Variants in PAM observed in about 807,000 individuals in gnomAD.
PAM encodes peptidylglycine alpha-amidating monooxygenase.
Under a neutral mutation model 122.1 loss-of-function variants are expected in PAM, and 72 were observed. That is an observed-to-expected ratio of 0.59 (90% confidence interval 0.49 to 0.72). The LOEUF (loss-of-function observed/expected upper bound fraction) is 0.72, where lower values mean the gene tolerates loss of function less well. PAM is among the 30% of genes least tolerant of loss of function. The pLI is 0.00. For synonymous variants in PAM, 389 were observed against 404.4 expected, an observed-to-expected ratio of 0.96 and a Z score of 0.46; for missense variants, 1,106 against 1,183.7, an observed-to-expected ratio of 0.93 and a Z score of 0.96.
chr5:102,773,466 A>C (rs977573976), intron 1 of PAM, among the ~76,000 whole-genome samples: 6 of 152,122 alleles, frequency 3.9e-5, no homozygotes, highest in Admixed American at 1.3e-4. Context: ...ACAATACATA[A>C]AATTTTATTT....
intron 1 of PAM, among the ~76,000 whole-genome samples, chr5:102,822,048 A>G (rs962659650): frequency 6.6e-5 from 10 of 152,200 alleles, no homozygotes; most frequent in African/African-American, 2.4e-4. Context: ...CAGTGATGGT[A>G]GTTGTAGTGG....
chr5:102,759,860 C>T (rs1751813205), intron 1 of PAM, among the ~76,000 whole-genome samples: 1 of 152,122 alleles, frequency 6.6e-6, no homozygotes, highest in African/African-American at 2.4e-5. Context: ...TGCAGTCTAG[C>T]TACTGTATAG....
intron 1 of PAM, among the ~76,000 whole-genome samples, chr5:102,843,152 G>A (rs1014073353): frequency 1.3e-5 from 2 of 152,182 alleles, no homozygotes; most frequent in Non-Finnish European, 2.9e-5. Context: ...ATGAGTAAAT[G>A]CACCACTAAA....
intron 3 of PAM, among the ~76,000 whole-genome samples, chr5:102,880,291 A>G (rs1357423821): frequency 6.6e-6 from 1 of 152,170 alleles, no homozygotes; most frequent in Non-Finnish European, 1.5e-5. Flanking sequence ...AAGGAAAAAA[A>G]AAAAGTGACA....
At chr5:102,910,670 G>A (rs200065236) in intron 4 of PAM, among the ~76,000 whole-genome samples, 2 of 151,646 alleles carry the variant, frequency 1.3e-5, no homozygotes, top group South Asian at 4.2e-4. Context: ...GCTGTGTTTT[G>A]CACTGTTTGT....
At chr5:102,928,147 G>A (rs983211688) in intron 7 of PAM, among the ~76,000 whole-genome samples, 2 of 152,094 alleles carry the variant, frequency 1.3e-5, no homozygotes, top group South Asian at 2.1e-4. Context: ...TCATACTGGC[G>A]CAGGTTCCCG....
At chr5:102,987,598 T>G (rs1273515388) in intron 15 of PAM, 1 of 446,218 alleles carries the variant, frequency 2.2e-6, no homozygotes, top group South Asian at 1.6e-5. Flanking sequence ...ATACCCTGAT[T>G]TGATCATGCT....
chr5:102,920,401 T>C (rs1246422115), intron 5 of PAM, among the ~76,000 whole-genome samples: 1 of 152,128 alleles, frequency 6.6e-6, no homozygotes, highest in Non-Finnish European at 1.5e-5. Flanking sequence ...ACTGCCTGTC[T>C]AACCTTATTG....
At chr5:102,965,787 C>T (rs1364919680) in intron 14 of PAM, among the ~76,000 whole-genome samples, 3 of 152,108 alleles carry the variant, frequency 2.0e-5, no homozygotes, top group Non-Finnish European at 4.4e-5. Context: ...TAAAGGTCTT[C>T]GGACACCTTC....
At chr5:102,889,651 G>A (rs1038790477) in intron 3 of PAM, among the ~76,000 whole-genome samples, 2 of 151,844 alleles carry the variant, frequency 1.3e-5, no homozygotes, top group African/African-American at 4.8e-5. Flanking sequence ...ATACAGTGTG[G>A]TTATGGAAGG....
chr5:102,885,244 TAAC>T (rs1477869275), intron 3 of PAM, among the ~76,000 whole-genome samples: 2 of 151,976 alleles, frequency 1.3e-5, no homozygotes, highest in East Asian at 3.9e-4. Context: ...TTTATGGGAA[TAAC>T]AATTATTTCA....
At chr5:102,887,403 G>A (rs1368308071) in intron 3 of PAM, among the ~76,000 whole-genome samples, 3 of 151,858 alleles carry the variant, frequency 2.0e-5, no homozygotes, top group Non-Finnish European at 2.9e-5. Context: ...TGCAGCTACC[G>A]AATCTTGATC....
intron 1 of PAM, among the ~76,000 whole-genome samples, chr5:102,853,454 TA>T (rs1212758197): frequency 6.6e-6 from 1 of 152,164 alleles, no homozygotes; most frequent in Non-Finnish European, 1.5e-5. Flanking sequence ...TCTGAAATAA[TA>T]AAGATGAAAT....
chr5:102,921,878 G>C (rs909981756), intron 5 of PAM, among the ~76,000 whole-genome samples: 5 of 152,086 alleles, frequency 3.3e-5, no homozygotes, highest in African/African-American at 1.2e-4. Context: ...TGGTTTAGCT[G>C]TTTGACCTTT....
At chr5:102,772,953 C>T (rs187030290) in intron 1 of PAM, among the ~76,000 whole-genome samples, 19 of 152,144 alleles carry the variant, frequency 1.2e-4, no homozygotes, top group African/African-American at 4.3e-4. Flanking sequence ...ATGTCATATA[C>T]CTTGGTGGTA....
chr5:102,806,932 C>A (rs546472752), intron 1 of PAM, among the ~76,000 whole-genome samples: 2 of 152,108 alleles, frequency 1.3e-5, no homozygotes, highest in Admixed American at 1.3e-4. Flanking sequence ...TATACGTTTG[C>A]GCACTATTTA....
intron 24 of PAM, 125 bp from the exon 25 acceptor site, chr5:103,028,060 C>A: frequency 1.4e-6 from 1 of 705,532 alleles, no homozygotes; most frequent in South Asian, 1.8e-5. Flanking sequence ...ATTAGAATTG[C>A]ATACAGACAA....
chr5:102,826,233 T>C (rs1168203561), intron 1 of PAM, among the ~76,000 whole-genome samples: 1 of 152,200 alleles, frequency 6.6e-6, no homozygotes, highest in Non-Finnish European at 1.5e-5. Context: ...GAAAATTTGT[T>C]ACTCCATATA....
chr5:102,892,876 A>C (rs989070551), intron 3 of PAM, among the ~76,000 whole-genome samples: 2 of 151,880 alleles, frequency 1.3e-5, no homozygotes, highest in Non-Finnish European at 2.9e-5. Flanking sequence ...ACATGAATAC[A>C]TTAATTTTCA....
Sources: allele counts gnomAD v4.1 joint callset (sites outside exome capture counted in the v4.1 genomes callset), GRCh38; gene constraint gnomAD v4.1.1; transcripts MANE v1.5; gene names NCBI Gene and HGNC (gene_info 2026-07-23, HGNC 2026-07-21).